Variants in CNTN1 observed in about 807,000 individuals in gnomAD.
The protein encoded by CNTN1 is contactin-1.
A neutral mutation model predicts 126.4 loss-of-function variants in CNTN1; 38 were observed. That is an observed-to-expected ratio of 0.30 (90% CI 0.23 to 0.39). The LOEUF is 0.39. CNTN1 is among the 10% of genes least tolerant of loss of function. The probability of loss-of-function intolerance (pLI) is 1.00; values close to 1 mark genes in which losing one functional copy is unlikely to be tolerated. For synonymous variants in CNTN1, 413 were observed against 422.6 expected (o/e 0.98, Z 0.28); for missense variants, 1,009 against 1,248.4 (o/e 0.81, Z 2.89).
chr12:41,012,367 G>A (rs748375252), intron 17 of CNTN1, among the ~76,000 whole-genome samples: 2 of 152,166 alleles, frequency 1.3e-5, no homozygotes, highest in Non-Finnish European at 2.9e-5. Context: ...TTCCTTCCCT[G>A]AACCATAAAT....
chr12:41,045,617 G>A (rs936944392), intron 23 of CNTN1, among the ~76,000 whole-genome samples: 5 of 152,000 alleles, frequency 3.3e-5, no homozygotes, highest in Admixed American at 3.3e-4. Flanking sequence ...ACTACATTAG[G>A]GACCAGCTTT....
At chr12:40,868,342 G>T (rs186318189) in intron 1 of CNTN1, among the ~76,000 whole-genome samples, 2 of 152,082 alleles carry the variant, frequency 1.3e-5, no homozygotes, top group African/African-American at 4.8e-5. Context: ...TCAAAGCAAA[G>T]CTTCTAATCC....
intron 1 of CNTN1, among the ~76,000 whole-genome samples, chr12:40,900,953 T>C (rs1944580606): frequency 6.6e-6 from 1 of 152,216 alleles, no homozygotes; most frequent in Admixed American, 6.5e-5. Flanking sequence ...ATGAAGAATC[T>C]GTGTAGAAGA....
intron 1 of CNTN1, among the ~76,000 whole-genome samples, chr12:40,702,300 A>G (rs1271310631): frequency 6.6e-6 from 1 of 151,940 alleles, no homozygotes; most frequent in Non-Finnish European, 1.5e-5. Flanking sequence ...GCAATAATTT[A>G]TTTTCATTGT....
At chr12:40,993,414 G>A (rs1948139314) in intron 17 of CNTN1, 145 bp downstream of exon 17, 1 of 658,144 alleles carries the variant, frequency 1.5e-6, no homozygotes, top group Non-Finnish European at 2.6e-6. Flanking sequence ...TATCAAGACA[G>A]TCAAAAATCA....
chr12:40,822,428 A>G (rs1167643080), intron 1 of CNTN1, among the ~76,000 whole-genome samples: 1 of 151,912 alleles, frequency 6.6e-6, no homozygotes, highest in Non-Finnish European at 1.5e-5. Context: ...GTGCTGGGAA[A>G]AAATATTATT....
At chr12:40,968,546 G>C (rs1417485195) in intron 15 of CNTN1, among the ~76,000 whole-genome samples, 3 of 151,950 alleles carry the variant, frequency 2.0e-5, no homozygotes, top group Non-Finnish European at 4.4e-5. Flanking sequence ...GTGTTTTCCT[G>C]CTTTTTAAAA....
intron 1 of CNTN1, among the ~76,000 whole-genome samples, chr12:40,878,805 G>T (rs938537990): frequency 3.9e-5 from 6 of 151,988 alleles, no homozygotes; most frequent in Admixed American, 3.9e-4. Flanking sequence ...TCAATATTTT[G>T]TTTTATGAAA....
intron 17 of CNTN1, among the ~76,000 whole-genome samples, chr12:41,009,254 A>T (rs1025890534): frequency 6.6e-6 from 1 of 152,194 alleles, no homozygotes; most frequent in African/African-American, 2.4e-5. Flanking sequence ...GAACCCTCTG[A>T]TAGTAGGGCT....
intron 1 of CNTN1, among the ~76,000 whole-genome samples, chr12:40,747,557 A>G (rs2136392145): frequency 6.6e-6 from 1 of 152,046 alleles, no homozygotes; most frequent in East Asian, 1.9e-4. Flanking sequence ...AAGTATGTGG[A>G]CCCACTAGTG....
intron 1 of CNTN1, among the ~76,000 whole-genome samples, chr12:40,878,079 C>A (rs1375276334): frequency 7.0e-6 from 1 of 142,496 alleles, no homozygotes; most frequent in Non-Finnish European, 1.5e-5. Flanking sequence ...CTCATAGCAA[C>A]CTCTACTTCC....
At chr12:40,974,938 T>A (rs957757539) in intron 15 of CNTN1, among the ~76,000 whole-genome samples, 3 of 152,028 alleles carry the variant, frequency 2.0e-5, no homozygotes, top group African/African-American at 7.2e-5. Context: ...TTGTTAGCAG[T>A]TCAAGTCCAA....
chr12:40,980,470 A>G (rs1947793933), intron 15 of CNTN1, among the ~76,000 whole-genome samples: 1 of 150,330 alleles, frequency 6.7e-6, no homozygotes, highest in African/African-American at 2.4e-5. Context: ...AAAAAGCCAC[A>G]AAGAACAAAG....
At chr12:41,051,772 G>T (rs1299324364) in intron 23 of CNTN1, among the ~76,000 whole-genome samples, 8 of 151,898 alleles carry the variant, frequency 5.3e-5, no homozygotes. Context: ...AATTAGTCTT[G>T]AAATTCCTGC....
chr12:41,003,937 ACTT>A (rs1160089328), intron 17 of CNTN1, among the ~76,000 whole-genome samples: 3 of 151,766 alleles, frequency 2.0e-5, no homozygotes, highest in Non-Finnish European at 4.4e-5. Context: ...TGTGTCTCAA[ACTT>A]CTTCAGTTGA....
At chr12:41,025,857 A>G (rs1449441699) in intron 21 of CNTN1, among the ~76,000 whole-genome samples, 2 of 152,216 alleles carry the variant, frequency 1.3e-5, no homozygotes, top group African/African-American at 4.8e-5. Flanking sequence ...TGGTCATTCT[A>G]ATCTCTCTGG....
At chr12:40,696,422 T>C (rs1391831536) in intron 1 of CNTN1, among the ~76,000 whole-genome samples, 2 of 152,240 alleles carry the variant, frequency 1.3e-5, no homozygotes, top group Non-Finnish European at 2.9e-5. Context: ...TGGCACTCCA[T>C]GCCTGGATGA....
intron 6 of CNTN1, among the ~76,000 whole-genome samples, chr12:40,928,446 C>A (rs557849321): frequency 6.6e-6 from 1 of 152,026 alleles, no homozygotes; most frequent in South Asian, 2.1e-4. Context: ...AAGAAGAAAA[C>A]AAATGAAAAG....
At chr12:40,744,281 C>T (rs1201580258) in intron 1 of CNTN1, among the ~76,000 whole-genome samples, 1 of 144,546 alleles carries the variant, frequency 6.9e-6, no homozygotes, top group Non-Finnish European at 1.5e-5. Flanking sequence ...CACATGTATC[C>T]TGGAACTTTA....
Sources: gnomAD v4.1 joint callset for allele counts (sites outside exome capture counted in the v4.1 genomes callset) on GRCh38, gnomAD v4.1.1 for gene constraint, MANE v1.5 for transcripts, NCBI Gene and HGNC (gene_info 2026-07-23, HGNC 2026-07-21) for gene names.